The following FBXL13 variants were observed in gnomAD, a reference collection of about 807,000 sequenced individuals.
FBXL13 encodes F-box and leucine rich repeat protein 13.
A neutral mutation model predicts 83.6 loss-of-function variants in FBXL13; 67 were observed. That is an observed-to-expected ratio of 0.80 (90% CI 0.66 to 0.98). FBXL13 has a LOEUF of 0.98. Ranked by LOEUF, FBXL13 falls within the 50% of genes least tolerant of loss-of-function variation. The probability of loss-of-function intolerance (pLI) is 0.00; values close to 1 mark genes in which losing one functional copy is unlikely to be tolerated. For missense variants in FBXL13, 822 were observed against 866.5 expected (o/e 0.95, Z 0.64); for synonymous variants, 272 against 299.5 (o/e 0.91, Z 0.95).
intron 6 of FBXL13, among the ~76,000 whole-genome samples, chr7:103,018,391 C>T (rs1792653985): frequency 1.3e-5 from 2 of 152,042 alleles, no homozygotes; most frequent in African/African-American, 4.8e-5. Flanking sequence ...GAAAAACCAT[C>T]GATGTTAGAA....
intron 7 of FBXL13, among the ~76,000 whole-genome samples, chr7:102,965,462 T>C (rs945495753): frequency 1.9e-4 from 29 of 152,320 alleles, no homozygotes; most frequent in Admixed American, 5.2e-4. Flanking sequence ...CTATTATTAC[T>C]TCAAAAATAC....
chr7:103,034,588 C>T (rs1056358141), intron 2 of FBXL13, among the ~76,000 whole-genome samples: 2 of 152,244 alleles, frequency 1.3e-5, no homozygotes, highest in Non-Finnish European at 2.9e-5. Context: ...CCTTTCCCTC[C>T]ACACCTCCTC....
intron 19 of FBXL13, among the ~76,000 whole-genome samples, chr7:102,814,651 A>C (rs1303498525): frequency 1.3e-5 from 2 of 152,252 alleles, no homozygotes; most frequent in African/African-American, 4.8e-5. Flanking sequence ...CTTAAAGAAC[A>C]AATTGAGTAA....
At chr7:102,825,671 G>A (rs1799502500) in intron 18 of FBXL13, among the ~76,000 whole-genome samples, 1 of 152,040 alleles carries the variant, frequency 6.6e-6, no homozygotes, top group African/African-American at 2.4e-5. Context: ...ACAATATAAG[G>A]ACCAGTTTCA....
chr7:102,822,072 G>T lies in FBXL13; in HGVS notation c.1986C>A (p.Ile662=), dbSNP rs370404858. 497 of 1,614,078 alleles carry T rather than the reference G, an allele frequency of 3.1e-4. 1 individual carries two copies. Among genetic ancestry groups the T allele is most frequent in the Non-Finnish European group, 3.8e-4 (445 of 1,180,036 alleles). Reference sequence around the variant, plus strand: ...TATTTGTGCAGTATTGCATCTTAAGGATCCGGAGTTGTTTGCAGCCTATCT... The same window carrying T: ...TATTTGTGCAGTATTGCATCTTAAGTATCCGGAGTTGTTTGCAGCCTATCT... Residue 662 remains isoleucine, a synonymous_variant, in exon 19 of 20, where the codon ATC becomes ATA. Transcript: ENST00000313221.
chr7:102,872,502 G>A lies in FBXL13; in HGVS notation c.1635+4965C>T, dbSNP rs867411682. Reference sequence around the variant, plus strand: ...AATGAAAGAGTCTTTTTAAACCACTGTCTAAGCACACTGTCTGGGACACTG... The same window carrying A: ...AATGAAAGAGTCTTTTTAAACCACTATCTAAGCACACTGTCTGGGACACTG... On this transcript the variant is annotated intron_variant, in intron 16 of 19. Coordinates refer to ENST00000313221, the Ensembl canonical transcript of FBXL13. Among the ~76,000 whole-genome samples the A allele has an allele frequency of 2.6e-5, 4 of 152,154 alleles. No individual in the cohort carries two copies. In the East Asian group the frequency reaches 7.7e-4, roughly 29 times the overall value.
chr7:102,934,066 C>T (rs757835210), intron 8 of FBXL13: 1 of 1,614,044 alleles, frequency 6.2e-7, no homozygotes, highest in African/African-American at 1.3e-5. Flanking sequence ...ACGCACCAGG[C>T]CTCCCGTGTG....
chr7:103,051,146 TGATTAA>T (rs1796772380), intron 2 of FBXL13, among the ~76,000 whole-genome samples: 1 of 152,176 alleles, frequency 6.6e-6, no homozygotes, highest in African/African-American at 2.4e-5. Context: ...CAGGGTCTCT[TGATTAA>T]CTGAGCCAAT....
chr7:102,903,939 CTTTTTTTTT>C (rs1166655004), intron 11 of FBXL13, among the ~76,000 whole-genome samples: 2 of 43,470 alleles, frequency 4.6e-5, no homozygotes, highest in African/African-American at 2.1e-4. Context: ...CTTTTCTTTT[CTTTTTTTTT>C]TTTTTTTTTT....
intron 18 of FBXL13, among the ~76,000 whole-genome samples, chr7:102,824,453 G>C (rs934024631): frequency 8.6e-5 from 13 of 152,018 alleles, no homozygotes; most frequent in African/African-American, 3.1e-4. Flanking sequence ...CCCATTAACA[G>C]ATTTGTAAAT....
At chr7:102,962,895 G>T (rs1825480514) in intron 8 of FBXL13, among the ~76,000 whole-genome samples, 2 of 150,678 alleles carry the variant, frequency 1.3e-5, no homozygotes, top group South Asian at 4.2e-4. Flanking sequence ...TGACGAGTTA[G>T]TGGGTGCAGC....
At chr7:103,051,940 T>G (rs1009558582) in intron 2 of FBXL13, among the ~76,000 whole-genome samples, 4 of 152,216 alleles carry the variant, frequency 2.6e-5, no homozygotes, top group Non-Finnish European at 4.4e-5. Flanking sequence ...GTTTTCAATC[T>G]TGTCTACCTA....
chr7:102,939,090 G>A (rs1002495052), intron 8 of FBXL13, among the ~76,000 whole-genome samples: 3 of 152,176 alleles, frequency 2.0e-5, no homozygotes. Context: ...CAGCAGATGT[G>A]GGTTCAATAA....
chr7:102,854,715 A>G, intron 17 of FBXL13, 62 bp downstream of exon 18: 1 of 1,062,286 alleles, frequency 9.4e-7, no homozygotes, highest in Non-Finnish European at 1.3e-6. Context: ...TTCATTGGAA[A>G]AAAAAGAAAA....
intron 16 of FBXL13, among the ~76,000 whole-genome samples, chr7:102,860,349 C>T (rs1368212265): frequency 6.6e-6 from 1 of 152,122 alleles, no homozygotes; most frequent in Non-Finnish European, 1.5e-5. Context: ...AAAAGAGTTT[C>T]ACAGAGGAAG....
intron 6 of FBXL13, among the ~76,000 whole-genome samples, chr7:103,017,428 C>G (rs1792490793): frequency 6.6e-6 from 1 of 152,214 alleles, no homozygotes; most frequent in African/African-American, 2.4e-5. Context: ...CTCTCCCCCT[C>G]CAAAGGAATG....
At chr7:102,982,651 A>G (rs1828393443) in intron 6 of FBXL13, among the ~76,000 whole-genome samples, 1 of 152,140 alleles carries the variant, frequency 6.6e-6, no homozygotes, top group Admixed American at 6.5e-5. Context: ...TTATAAATGG[A>G]AGTTCCTCTG....
intron 8 of FBXL13, among the ~76,000 whole-genome samples, chr7:102,962,982 T>TAA (rs200698524): frequency 2.5e-4 from 9 of 35,346 alleles, no homozygotes; most frequent in African/African-American, 7.9e-4. Flanking sequence ...TAAAGGATAA[T>TAA]AAAAATATAT....
chr7:103,039,804 A>C (rs913726693), intron 2 of FBXL13, among the ~76,000 whole-genome samples: 9 of 152,256 alleles, frequency 5.9e-5, no homozygotes, highest in Middle Eastern at 3.4e-3. Flanking sequence ...CCAGGCCTGC[A>C]TTACAAGAGC....
Sources: allele counts gnomAD v4.1 joint callset (sites outside exome capture counted in the v4.1 genomes callset), GRCh38; gene constraint gnomAD v4.1.1; transcripts MANE v1.5; gene names NCBI Gene and HGNC (gene_info 2026-07-23, HGNC 2026-07-21).